AGPAT3: variants seen among roughly 807,000 people sequenced by gnomAD.
AGPAT3 encodes 1-acyl-sn-glycerol-3-phosphate acyltransferase gamma.
AGPAT3 carries 5 observed loss-of-function variants against 47.3 expected under a neutral mutation model. The observed-to-expected ratio is 0.11, with a 90% CI of 0.06 to 0.22. The LOEUF (loss-of-function observed/expected upper bound fraction) is 0.22. Ranked by LOEUF, AGPAT3 falls within the 10% of genes least tolerant of loss-of-function variation. The pLI is 1.00. For synonymous variants in AGPAT3, 212 were observed against 208.3 expected, an observed-to-expected ratio of 1.02 and a Z score of -0.15; for missense variants, 315 against 493.0, an observed-to-expected ratio of 0.64 and a Z score of 3.42.
rs2089330066 is a variant in AGPAT3, at chr21:43,970,109, A to T, written c.511-544A>T. 6.6e-6 allele frequency among the ~76,000 whole-genome samples: 1 copy of T among 151,726 alleles called. No homozygotes were observed. Among genetic ancestry groups the T allele is most frequent in the Non-Finnish European group, 1.5e-5 (1 of 68,000 alleles). On this transcript the variant is annotated intron_variant, in intron 5 of 9. Transcript: ENST00000291572. The surrounding 1 kb of genome is among the most constrained non-coding windows in gnomAD (Gnocchi z 5.8). ...CTGCAACCTCTGCCTCCCGGGTTCC[A>T]GCAGTTCTCCTCTCTCAGCCTCCAA...
At chr21:43,912,123 A>G (rs2086643592) in intron 2 of AGPAT3, among the ~76,000 whole-genome samples, 1 of 152,232 alleles carries the variant, frequency 6.6e-6, no homozygotes, top group South Asian at 2.1e-4. Flanking sequence ...GTAAGTGTTC[A>G]TCTCAACACT....
At position 43,986,351 on chromosome 21, in the gene AGPAT3, A is replaced by T. The variant is rs2030300317; in HGVS notation, c.*3959A>T. 1 of 152,468 alleles carries T rather than the reference A, an allele frequency of 6.6e-6. No individual in the cohort carries two copies. Among genetic ancestry groups the T allele is most frequent in the African/African-American group, 2.4e-5 (1 of 41,466 alleles). The allele number at this position is 152,468 out of a possible 1,614,324, so 9.4% of individuals were successfully genotyped here. The stretch of plus-strand genomic sequence containing the variant: ...TCGCCGGCCCAGGCAACAGCAGCGT[A>T]CGCTTTTCAAAGATCATTGAGTTGT... On this transcript the variant is annotated 3_prime_UTR_variant, in exon 10 of 10. Coordinates refer to ENST00000291572, the MANE Select transcript of AGPAT3 (RefSeq NM_020132.5).
chr21:43,906,472 G>A (rs553905275), intron 2 of AGPAT3, among the ~76,000 whole-genome samples: 6 of 152,166 alleles, frequency 3.9e-5, no homozygotes, highest in South Asian at 2.1e-4. Flanking sequence ...TCAGAGAAAC[G>A]AACTTTTTAA....
intron 2 of AGPAT3, among the ~76,000 whole-genome samples, chr21:43,937,490 C>T (rs1000136922): frequency 3.3e-5 from 5 of 152,184 alleles, no homozygotes; most frequent in African/African-American, 7.2e-5. Flanking sequence ...GAGGTGACAT[C>T]GTGGCTGCCT....
At chr21:43,909,837 C>T (rs1266495701) in intron 2 of AGPAT3, among the ~76,000 whole-genome samples, 2 of 152,184 alleles carry the variant, frequency 1.3e-5, no homozygotes, top group Non-Finnish European at 2.9e-5. Context: ...TGGGCCCCCG[C>T]CCTGAGCATT....
intron 2 of AGPAT3, among the ~76,000 whole-genome samples, chr21:43,927,179 C>G (rs2087084951): frequency 6.6e-6 from 1 of 151,868 alleles, no homozygotes; most frequent in Non-Finnish European, 1.5e-5. Context: ...GACCATGTAC[C>G]TCGTCTTGGT....
At chr21:43,886,118 G>T (rs747939573) in intron 1 of AGPAT3, among the ~76,000 whole-genome samples, 2 of 152,238 alleles carry the variant, frequency 1.3e-5, no homozygotes, top group Non-Finnish European at 2.9e-5. Context: ...CTGAGCATGG[G>T]GGTGCCTGGC....
intron 1 of AGPAT3, among the ~76,000 whole-genome samples, chr21:43,902,136 C>T (rs1273580513): frequency 6.6e-6 from 1 of 152,152 alleles, no homozygotes; most frequent in Admixed American, 6.5e-5. Flanking sequence ...TGCCGAGAAT[C>T]CTGAAAGTAG....
chr21:43,959,942 C>T, intron 3 of AGPAT3, 83 bp downstream of exon 3: 1 of 1,443,088 alleles, frequency 6.9e-7, no homozygotes, highest in Non-Finnish European at 9.4e-7. Context: ...GCCGTGGGCT[C>T]TCAGGCAGGA....
chr21:43,948,419 C>A (rs78458301), intron 2 of AGPAT3: 61,814 of 151,512 alleles, frequency 0.41, 13,019 homozygotes, highest in East Asian at 0.6. Context: ...GGACCCAGGG[C>A]ACATGCCCAT....
intron 7 of AGPAT3, among the ~76,000 whole-genome samples, chr21:43,974,283 TTG>T (rs2089515775): frequency 6.6e-6 from 1 of 152,202 alleles, no homozygotes; most frequent in Admixed American, 6.5e-5. Context: ...GTGTAAAAAT[TTG>T]TATAAATTAT....
chr21:43,942,173 C>T (rs2087680040), intron 2 of AGPAT3, among the ~76,000 whole-genome samples: 1 of 152,252 alleles, frequency 6.6e-6, no homozygotes, highest in African/African-American at 2.4e-5. Flanking sequence ...CTTCCGGAAC[C>T]TGTGGGCTTG....
At chr21:43,906,161 C>CT (rs769215401) in intron 2 of AGPAT3, among the ~76,000 whole-genome samples, 1 of 152,114 alleles carries the variant, frequency 6.6e-6, no homozygotes, top group Non-Finnish European at 1.5e-5. Flanking sequence ...TCTTTTGGGG[C>CT]TAGTAGTAGC....
chr21:43,917,296 T>A lies in AGPAT3; in HGVS notation c.-49+13277T>A, dbSNP rs1159501145. On this transcript the variant is annotated intron_variant, in intron 2 of 9. Coordinates refer to ENST00000291572, the MANE Select transcript of AGPAT3 (RefSeq NM_020132.5). ...GCGGTCCCGCTGCTCCTCCTTCTGC[T>A]GCCCTGCACTGCCGTGGCACAACCC... Among the ~76,000 whole-genome samples, 3 of 152,026 alleles carry A rather than the reference T, an allele frequency of 2.0e-5. No homozygotes were observed. The East Asian group carries it at 5.8e-4, about 29-fold the overall frequency.
At chr21:43,895,547 T>A (rs2086196321) in intron 1 of AGPAT3, among the ~76,000 whole-genome samples, 1 of 149,250 alleles carries the variant, frequency 6.7e-6, no homozygotes, top group African/African-American at 2.5e-5. Context: ...TCATTCAACA[T>A]ATTTTTGAAT....
intron 2 of AGPAT3, among the ~76,000 whole-genome samples, chr21:43,918,203 GGTTGTGGGTGTTGCGGCGGTTGTGGGT>G (rs748999473): frequency 2.9e-5 from 4 of 139,760 alleles, no homozygotes; most frequent in South Asian, 2.4e-4. Context: ...GGGTTGTGGA[GGTTGTGGGTGTTGCGGCGGTTGTGGGT>G]GTTGTGGGTG....
intron 2 of AGPAT3, among the ~76,000 whole-genome samples, chr21:43,941,895 C>T (rs988644005): frequency 3.3e-5 from 5 of 152,266 alleles, no homozygotes; most frequent in African/African-American, 1.2e-4. Context: ...AAAAGAGCGC[C>T]TCTGTCTGGG....
At chr21:43,961,374 G>C (rs376821446) in intron 3 of AGPAT3, among the ~76,000 whole-genome samples, 1 of 149,456 alleles carries the variant, frequency 6.7e-6, no homozygotes, top group Admixed American at 6.7e-5. Flanking sequence ...TTTGTCTCAC[G>C]TGAGAAATGG....
In AGPAT3 at chr21:43,939,076, T is replaced by C. The variant is rs2087553642; in HGVS notation, c.-48-20558T>C. Among the ~76,000 whole-genome samples, 1 of 152,190 alleles carries C rather than the reference T, an allele frequency of 6.6e-6. No homozygotes were observed. The highest frequency in any genetic ancestry group is 2.4e-5 in the African/African-American group (1 of 41,442). On this transcript the variant is annotated intron_variant, in intron 2 of 9. Transcript: ENST00000291572. This position sits in a 1 kb window ranked among gnomAD's most constrained non-coding sequence, Gnocchi z 4.4. ...GGCCGCACCAGGGCTGGGACGGGGC[T>C]GCGACCAGGCTAGGGGAGCATCCTG...
Sources: allele counts gnomAD v4.1 joint callset (sites outside exome capture counted in the v4.1 genomes callset), GRCh38; gene constraint gnomAD v4.1.1; non-coding constraint Gnocchi (gnomAD v3.1); transcripts MANE v1.5; gene names NCBI Gene and HGNC (gene_info 2026-07-23, HGNC 2026-07-21).